The following FBXL7 variants were observed in gnomAD, a reference collection of about 807,000 sequenced individuals.
FBXL7 encodes the protein F-box and leucine rich repeat protein 7.
In FBXL7, 12 loss-of-function variants were observed where a neutral mutation model predicts 38.3. The ratio of observed to expected loss-of-function variants is 0.31; its 90% CI spans 0.20 to 0.51. The LOEUF (loss-of-function observed/expected upper bound fraction) is 0.51. Among genes scored for constraint, FBXL7 ranks in the 20% least tolerant of loss-of-function variants. FBXL7 has a pLI of 0.98. For missense variants in FBXL7, 567 were observed against 676.4 expected, an observed-to-expected ratio of 0.84 and a Z score of 1.79; for synonymous variants, 297 against 300.9, an observed-to-expected ratio of 0.99 and a Z score of 0.13.
In FBXL7 at chr5:15,515,127, C is replaced by T. The variant is rs146011428; in HGVS notation, c.37+14414C>T. Among the ~76,000 whole-genome samples the T allele has an allele frequency of 1.4e-3, 211 of 152,264 alleles. 1 individual carries two copies. The highest frequency in any genetic ancestry group is 5.0e-3 in the African/African-American group (209 of 41,544). ...AACAGGATGCTGTTTTGGCAGTGGCCATGGATGGACCGGATGCCACTGTTA... is the reference window on the plus strand; with the variant it reads ...AACAGGATGCTGTTTTGGCAGTGGCTATGGATGGACCGGATGCCACTGTTA... On this transcript the variant is annotated intron_variant, in intron 1 of 3. Coordinates refer to ENST00000504595, the MANE Select transcript of FBXL7 (RefSeq NM_012304.5).
At chr5:15,906,134 A>G (rs2126419069) in intron 2 of FBXL7, among the ~76,000 whole-genome samples, 2 of 152,276 alleles carry the variant, frequency 1.3e-5, no homozygotes, top group East Asian at 3.9e-4. Flanking sequence ...CAACATATCA[A>G]ATGTACACTT....
chr5:15,557,985 A>T lies in FBXL7; in HGVS notation c.37+57272A>T, dbSNP rs565301251. On this transcript the variant is annotated intron_variant, in intron 1 of 3. Transcript: ENST00000504595. ...AGACAAAAAGTAGATCCAAGTTGCC[A>T]GGGGCTAAGTGGAGGGGGAGAAGGA... Among the ~76,000 whole-genome samples the T allele has an allele frequency of 3.9e-5, 6 of 152,352 alleles. No individual in the cohort carries two copies. In the East Asian group the frequency reaches 1.2e-3, roughly 29 times the overall value.
intron 2 of FBXL7, among the ~76,000 whole-genome samples, chr5:15,881,750 A>T (rs559183615): frequency 6.6e-6 from 1 of 152,216 alleles, no homozygotes; most frequent in Non-Finnish European, 1.5e-5. Context: ...AGTTAATAGT[A>T]TTCAGTTCTT....
At chr5:15,885,873 A>AT (rs1415116546) in intron 2 of FBXL7, among the ~76,000 whole-genome samples, 3 of 151,610 alleles carry the variant, frequency 2.0e-5, no homozygotes, top group East Asian at 1.9e-4. Context: ...CTAACCAGGG[A>AT]TTTTTTAATT....
At chr5:15,880,743 T>C (rs1157113479) in intron 2 of FBXL7, among the ~76,000 whole-genome samples, 1 of 128,268 alleles carries the variant, frequency 7.8e-6, no homozygotes, top group Non-Finnish European at 1.6e-5. Flanking sequence ...ATATATAAAG[T>C]AATATATACT....
At chr5:15,788,152 A>G (rs1353899031) in intron 2 of FBXL7, among the ~76,000 whole-genome samples, 1 of 151,862 alleles carries the variant, frequency 6.6e-6, no homozygotes, top group African/African-American at 2.4e-5. Context: ...AACACCTTTT[A>G]TTGGATGGAG....
At chr5:15,508,100 A>G (rs1736695846) in intron 1 of FBXL7, among the ~76,000 whole-genome samples, 1 of 152,174 alleles carries the variant, frequency 6.6e-6, no homozygotes, top group African/African-American at 2.4e-5. Flanking sequence ...CCCACCCAAC[A>G]GCATAGCTTA....
At chr5:15,904,444 A>C (rs966394041) in intron 2 of FBXL7, among the ~76,000 whole-genome samples, 1 of 152,194 alleles carries the variant, frequency 6.6e-6, no homozygotes, top group African/African-American at 2.4e-5. Flanking sequence ...ATTCCTTGCT[A>C]TGATTATTAG....
chr5:15,821,826 G>C lies in FBXL7; in HGVS notation c.128-106064G>C, dbSNP rs1274567948. 2.0e-5 allele frequency among the ~76,000 whole-genome samples: 3 copies of C among 152,286 alleles called. No homozygotes were observed. In the East Asian group the frequency reaches 5.8e-4, roughly 29 times the overall value. The stretch of plus-strand genomic sequence containing the variant: ...GACTTTTCTGAGCTGTTGGGAGTAT[G>C]AGCTGAACATCTCCAAGGTCCTCAT... On this transcript the variant is annotated intron_variant, in intron 2 of 3. Transcript: ENST00000504595.
chr5:15,610,729 A>G (rs1293302708), intron 1 of FBXL7, among the ~76,000 whole-genome samples: 1 of 152,176 alleles, frequency 6.6e-6, no homozygotes, highest in Non-Finnish European at 1.5e-5. Context: ...GGTGTTCACG[A>G]TATCCTAAAT....
intron 2 of FBXL7, among the ~76,000 whole-genome samples, chr5:15,774,417 G>A (rs1291097784): frequency 1.3e-5 from 2 of 152,282 alleles, no homozygotes; most frequent in African/African-American, 2.4e-5. Flanking sequence ...GGAGGGTGGG[G>A]GGGCTACCAT....
chr5:15,755,536 G>GT (rs1311379391), intron 2 of FBXL7, among the ~76,000 whole-genome samples: 1 of 152,124 alleles, frequency 6.6e-6, no homozygotes, highest in Non-Finnish European at 1.5e-5. Context: ...TAAAAAGGCA[G>GT]TTTCTGCACA....
intron 2 of FBXL7, among the ~76,000 whole-genome samples, chr5:15,760,909 A>T (rs954992069): frequency 1.3e-5 from 2 of 152,176 alleles, no homozygotes; most frequent in Non-Finnish European, 2.9e-5. Flanking sequence ...GAAACCTGTA[A>T]TAGGCTAACA....
chr5:15,607,835 G>C (rs1740081921), intron 1 of FBXL7, among the ~76,000 whole-genome samples: 1 of 152,124 alleles, frequency 6.6e-6, no homozygotes, highest in Admixed American at 6.5e-5. Flanking sequence ...GTTTTCCCTT[G>C]CTTTGATGTT....
At chr5:15,563,487 A>T (rs528801821) in intron 1 of FBXL7, among the ~76,000 whole-genome samples, 86 of 152,196 alleles carry the variant, frequency 5.7e-4, no homozygotes, top group African/African-American at 2.0e-3. Flanking sequence ...AGCGTCTTTC[A>T]CAGTAGAGGA....
At chr5:15,669,522 T>C (rs536929559) in intron 2 of FBXL7, among the ~76,000 whole-genome samples, 4 of 152,202 alleles carry the variant, frequency 2.6e-5, no homozygotes, top group Admixed American at 6.5e-5. Flanking sequence ...TGACTCTTCA[T>C]TGGCTTTGCC....
At chr5:15,919,426 T>C (rs962332949) in intron 2 of FBXL7, among the ~76,000 whole-genome samples, 27 of 133,890 alleles carry the variant, frequency 2.0e-4, no homozygotes, top group African/African-American at 7.2e-4. Context: ...AGAAAGTTTT[T>C]AGGATTTTTT....
chr5:15,912,932 C>T (rs745318083), intron 2 of FBXL7, among the ~76,000 whole-genome samples: 3 of 152,130 alleles, frequency 2.0e-5, no homozygotes, highest in Non-Finnish European at 4.4e-5. Flanking sequence ...ATAAGGTGAC[C>T]TTTAGAATCA....
chr5:15,597,232 A>G (rs1198346150), intron 1 of FBXL7, among the ~76,000 whole-genome samples: 1 of 152,178 alleles, frequency 6.6e-6, no homozygotes, highest in Non-Finnish European at 1.5e-5. Flanking sequence ...AGAAACCACC[A>G]TCCGCACACA....
Sources: gnomAD v4.1 joint callset for allele counts (sites outside exome capture counted in the v4.1 genomes callset) on GRCh38, gnomAD v4.1.1 for gene constraint, MANE v1.5 for transcripts, NCBI Gene and HGNC (gene_info 2026-07-23, HGNC 2026-07-21) for gene names.